The following VIPAS39 variants were observed in gnomAD, a reference collection of about 807,000 sequenced individuals.
The protein encoded by VIPAS39 is VPS33B interacting protein, apical-basolateral polarity regulator, spe-39 homolog.
In VIPAS39, 63 loss-of-function variants were observed where a neutral mutation model predicts 84.7. That is an observed-to-expected ratio of 0.74 (90% CI 0.61 to 0.92). The LOEUF (loss-of-function observed/expected upper bound fraction) is 0.92. VIPAS39 is among the 40% of genes least tolerant of loss of function. The pLI, the probability that VIPAS39 is intolerant of heterozygous loss-of-function variation, is 0.00. For missense variants in VIPAS39, 499 were observed against 604.5 expected, an observed-to-expected ratio of 0.83 and a Z score of 1.83; for synonymous variants, 192 against 216.5, an observed-to-expected ratio of 0.89 and a Z score of 0.99.
intron 10 of VIPAS39, among the ~76,000 whole-genome samples, chr14:77,441,692 T>C (rs2078706084): frequency 6.6e-6 from 1 of 152,154 alleles, no homozygotes; most frequent in African/African-American, 2.4e-5. Context: ...GGCTAACATC[T>C]GTAATCTTGA....
intron 7 of VIPAS39, among the ~76,000 whole-genome samples, chr14:77,445,376 C>T (rs1405284963): frequency 2.0e-5 from 3 of 152,066 alleles, no homozygotes; most frequent in Non-Finnish European, 1.5e-5. Context: ...ACTCTTGTGC[C>T]AATTTTTTTA....
intron 7 of VIPAS39, among the ~76,000 whole-genome samples, chr14:77,448,284 C>T (rs1159725848): frequency 6.6e-6 from 1 of 152,144 alleles, no homozygotes; most frequent in East Asian, 1.9e-4. Flanking sequence ...GTACTTTTCC[C>T]TCTCATCCAT....
Position 77,437,855 on chromosome 14 carries a change from G to T in VIPAS39, c.789C>A (p.Asn263Lys), listed in dbSNP as rs778745752. The T allele has an allele frequency of 6.2e-7, 1 of 1,614,100 alleles. No homozygotes were observed. The highest frequency in any genetic ancestry group is 1.1e-5 in the South Asian group (1 of 91,076). ...LALSHYREHL[N>K]IQDPDKRKEF... ...CTTTTCGTTTGTCAGGGTCCTGAAT[G>T]TTCAAATGCTCTCGATAATGAGATA... Residue 263 changes from asparagine (N) to lysine (K), a missense_variant, in exon 12 of 20, where the codon AAC (asparagine) becomes AAA (lysine). By Grantham distance (94) the Asn-to-Lys change is moderately conservative (BLOSUM62 0). Transcript: ENST00000557658.
At chr14:77,455,590 C>A (rs1455763702) in intron 1 of VIPAS39, among the ~76,000 whole-genome samples, 1 of 152,114 alleles carries the variant, frequency 6.6e-6, no homozygotes, top group African/African-American at 2.4e-5. Context: ...TCCCACAGCA[C>A]CAAAAATAAC....
At chr14:77,442,811 T>C in intron 9 of VIPAS39, 149 bp from the exon 10 acceptor site, 1 of 809,094 alleles carries the variant, frequency 1.2e-6, no homozygotes, top group Non-Finnish European at 2.1e-6. Context: ...TAATTCACCA[T>C]CAACACACTC....
At chr14:77,428,527 CT>C in intron 18 of VIPAS39, 53 bp from the exon 19 acceptor site, 1 of 1,555,562 alleles carries the variant, frequency 6.4e-7, no homozygotes, top group African/African-American at 1.4e-5. Context: ...GTACAGGGTT[CT>C]TTTTGCCCAG....
chr14:77,432,140 T>C (rs1438459280), intron 16 of VIPAS39, among the ~76,000 whole-genome samples: 1 of 152,210 alleles, frequency 6.6e-6, no homozygotes. Context: ...TTTGAGATGA[T>C]AGATATGTTA....
chr14:77,439,398 TTAC>T (rs1410889725), intron 11 of VIPAS39, among the ~76,000 whole-genome samples: 1 of 152,210 alleles, frequency 6.6e-6, no homozygotes, highest in Non-Finnish European at 1.5e-5. Context: ...TTTCAAATGA[TTAC>T]TACAGGCTGC....
At chr14:77,443,223 G>A (rs1594910446) in intron 8 of VIPAS39, 71 bp from the exon 9 acceptor site, 13 of 1,569,236 alleles carry the variant, frequency 8.3e-6, no homozygotes, top group African/African-American at 1.4e-5. Context: ...CTACAGACAC[G>A]GGGCCAGCAA....
chr14:77,450,120 A>G lies in VIPAS39; in HGVS notation c.344-368T>C, dbSNP rs2078858811. On this transcript the variant is annotated intron_variant, in intron 4 of 19. Transcript: ENST00000557658. Reference sequence around the variant, plus strand: ...TTAACCAACTCTACACCCTTTAAACAATAACTCTCCATTCCCTCCACCCCA... The same window carrying G: ...TTAACCAACTCTACACCCTTTAAACGATAACTCTCCATTCCCTCCACCCCA... Among the ~76,000 whole-genome samples, 5 of 152,170 alleles carry G rather than the reference A, an allele frequency of 3.3e-5. No individual in the cohort carries two copies. In the South Asian group the frequency reaches 1.0e-3, roughly 31 times the overall value.
intron 4 of VIPAS39, 151 bp from the exon 5 acceptor site, chr14:77,449,903 G>A: frequency 3.1e-6 from 3 of 966,618 alleles, no homozygotes; most frequent in Non-Finnish European, 3.1e-6. Flanking sequence ...GAAATCTGAA[G>A]TGCCATTAAA....
At chr14:77,438,580 C>T (rs1335214218) in intron 11 of VIPAS39, among the ~76,000 whole-genome samples, 3 of 152,184 alleles carry the variant, frequency 2.0e-5, no homozygotes, top group Non-Finnish European at 4.4e-5. Context: ...CCAGTGCTGA[C>T]CTATAATGAA....
chr14:77,427,775 G>A (rs982305810), intron 19 of VIPAS39, 139 bp from the exon 20 acceptor site: 4 of 1,107,582 alleles, frequency 3.6e-6, no homozygotes, highest in African/African-American at 1.6e-5. Context: ...GGAGGTGGGG[G>A]ATGTTGAGAA....
chr14:77,434,185 C>T (rs550788204), intron 15 of VIPAS39, 77 bp downstream of exon 15: 1 of 1,448,306 alleles, frequency 6.9e-7, no homozygotes, highest in East Asian at 2.3e-5. Flanking sequence ...ACACACTGTA[C>T]AGGGTTACAA....
intron 10 of VIPAS39, 32 bp from the exon 11 acceptor site, chr14:77,441,125 G>GT: frequency 6.2e-7 from 1 of 1,612,812 alleles, no homozygotes; most frequent in Non-Finnish European, 8.5e-7. Context: ...CAGGGCATTT[G>GT]TATCTATTGA....
rs11302153 is a variant in VIPAS39 at position 77,430,723 on chromosome 14, GAA to G, written c.1180-958_1180-957del. On this transcript the variant is annotated intron_variant, in intron 16 of 19. Coordinates refer to ENST00000557658, the MANE Select transcript of VIPAS39 (RefSeq NM_001193315.2). ...CAGAGCAAGACTCTGTCTCAAAAAA[GAA>G]AAAAAAAAAAAAAGGGGGGGTAGGG... Among the ~76,000 whole-genome samples, 132 of 123,108 alleles carry G rather than the reference GAA, an allele frequency of 1.1e-3. 2 individuals carry two copies. The highest frequency in any genetic ancestry group is 4.2e-3 in the Middle Eastern group (1 of 240). 80.8% of individuals were successfully genotyped at this position (123,108 alleles called of 152,430 possible).
Position 77,456,716 on chromosome 14 carries a change from G to C in VIPAS39, c.-1+779C>G, listed in dbSNP as rs118098956. On this transcript the variant is annotated intron_variant, in intron 1 of 19. Transcript: ENST00000557658. ...AATTATCTACAGATAGACATAGAAT[G>C]TGTCTAACAAACACAATAATCTACC... Among the ~76,000 whole-genome samples, 714 of 152,304 alleles carry C rather than the reference G, an allele frequency of 4.7e-3. 1 individual carries two copies. The highest frequency in any genetic ancestry group is 7.5e-3 in the Non-Finnish European group (512 of 68,028).
In VIPAS39 at chr14:77,448,522, T is replaced by A. The variant is rs146491764; in HGVS notation, c.476A>T (p.Asp159Val). The change falls in exon 7 of 20, where the codon GAT becomes GTT. Residue 159 changes from aspartate to valine, a missense_variant. Coordinates refer to ENST00000557658, the MANE Select transcript of VIPAS39 (RefSeq NM_001193315.2). ...GCCCTTCCGGAGACGTCGCACTGTA[T>A]CACTGGGGCTCCAGTCATTGCTGTA... is the stretch of plus-strand genomic sequence containing the variant. ...RDYSNDWSPS[D>V]TVRRLRKGKV... The A allele has an allele frequency of 9.3e-6, 15 of 1,614,054 alleles. No individual in the cohort carries two copies. The African/African-American group carries it at 1.9e-4, about 20-fold the overall frequency.
Position 77,429,462 on chromosome 14 carries a change from AG to A in VIPAS39, c.1266+218del, listed in dbSNP as rs1199506236. ...AGTATTCCACTTGGGCTAACACAGT[AG>A]ATGCTACTCAGAGAGGACAGTTTGG... On this transcript the variant is annotated intron_variant, in intron 17 of 19. Transcript: ENST00000557658. Among the ~76,000 whole-genome samples the A allele has an allele frequency of 0.029, 4,440 of 152,290 alleles. 213 individuals are homozygous for A. The highest frequency in any genetic ancestry group is 0.1 in the African/African-American group (4,201 of 41,524).
Sources: allele counts gnomAD v4.1 joint callset (sites outside exome capture counted in the v4.1 genomes callset), GRCh38; gene constraint gnomAD v4.1.1; transcripts MANE v1.5; gene names NCBI Gene and HGNC (gene_info 2026-07-23, HGNC 2026-07-21).